Variants in AGBL1 observed in about 807,000 individuals in gnomAD.
AGBL1 encodes AGBL carboxypeptidase 1.
AGBL1 carries 130 observed loss-of-function variants against 118.9 expected under a neutral mutation model. That is an observed-to-expected ratio of 1.09 (90% CI 0.95 to 1.26). The LOEUF (loss-of-function observed/expected upper bound fraction) is 1.26. Ranked by LOEUF, AGBL1 falls within the 50% of genes most tolerant of loss-of-function variation. AGBL1 has a pLI of 0.00. For synonymous variants in AGBL1, 555 were observed against 478.9 expected, an observed-to-expected ratio of 1.16 and a Z score of -2.08; for missense variants, 1,584 against 1,298.1, an observed-to-expected ratio of 1.22 and a Z score of -3.38.
chr15:86,676,830 C>A (rs1428514088), intron 22 of AGBL1, among the ~76,000 whole-genome samples: 1 of 152,032 alleles, frequency 6.6e-6, no homozygotes, highest in South Asian at 2.1e-4. Flanking sequence ...TGGCTGGGTG[C>A]GGTGGCTCAT....
chr15:86,237,199 C>T (rs1217345357), intron 6 of AGBL1, among the ~76,000 whole-genome samples: 2 of 152,176 alleles, frequency 1.3e-5, no homozygotes, highest in Admixed American at 6.5e-5. Flanking sequence ...TTAATAACTC[C>T]TATAACAATA....
At chr15:86,373,704 C>A (rs1270891243) in intron 17 of AGBL1, among the ~76,000 whole-genome samples, 1 of 152,120 alleles carries the variant, frequency 6.6e-6, no homozygotes, top group Non-Finnish European at 1.5e-5. Flanking sequence ...AGAGGAAAAG[C>A]TGTAGGCAAA....
At chr15:87,002,339 C>T (rs1433452257) in intron 24 of AGBL1, among the ~76,000 whole-genome samples, 1 of 151,832 alleles carries the variant, frequency 6.6e-6, no homozygotes, top group African/African-American at 2.4e-5. Flanking sequence ...TGTTCTATAT[C>T]TCTGTTTTGG....
chr15:86,779,856 C>T (rs1002644832), intron 22 of AGBL1, among the ~76,000 whole-genome samples: 9 of 151,858 alleles, frequency 5.9e-5, no homozygotes, highest in East Asian at 3.9e-4. Flanking sequence ...TTTTGTTCAT[C>T]GTTGTATTGA....
chr15:86,087,353 T>C (rs897688514), intron 1 of AGBL1, among the ~76,000 whole-genome samples: 8 of 151,048 alleles, frequency 5.3e-5, no homozygotes, highest in Non-Finnish European at 7.4e-5. Flanking sequence ...TTTTTTGACA[T>C]TGTCTTGCTC....
At chr15:86,221,963 AT>A (rs1484009731) in intron 5 of AGBL1, among the ~76,000 whole-genome samples, 1 of 152,136 alleles carries the variant, frequency 6.6e-6, no homozygotes, top group East Asian at 1.9e-4. Context: ...TTGGGTCAAA[AT>A]TTCCAGTTTG....
intron 17 of AGBL1, among the ~76,000 whole-genome samples, chr15:86,331,088 G>T (rs1196539703): frequency 6.6e-6 from 1 of 151,904 alleles, no homozygotes; most frequent in Non-Finnish European, 1.5e-5. Flanking sequence ...GCCAGGCATG[G>T]TGGTGTGCAC....
chr15:86,634,756 C>G (rs1485009581), intron 21 of AGBL1, among the ~76,000 whole-genome samples: 2 of 151,992 alleles, frequency 1.3e-5, no homozygotes, highest in Non-Finnish European at 2.9e-5. Flanking sequence ...TGCCAGGAAA[C>G]CACTACTTTA....
At chr15:86,976,648 G>C (rs1050430279) in intron 23 of AGBL1, among the ~76,000 whole-genome samples, 2 of 151,882 alleles carry the variant, frequency 1.3e-5, no homozygotes, top group Non-Finnish European at 2.9e-5. Flanking sequence ...TCTTACACTA[G>C]TGAGATGTAA....
intron 19 of AGBL1, among the ~76,000 whole-genome samples, chr15:86,543,452 G>A (rs1418939645): frequency 6.6e-6 from 1 of 152,086 alleles, no homozygotes; most frequent in Admixed American, 6.6e-5. Flanking sequence ...TTCTTTTACT[G>A]TCGTGTGTTT....
At chr15:86,948,139 C>T (rs2080844844) in intron 23 of AGBL1, among the ~76,000 whole-genome samples, 1 of 152,102 alleles carries the variant, frequency 6.6e-6, no homozygotes, top group South Asian at 2.1e-4. Flanking sequence ...TGTGCAGTGA[C>T]ACTGAGGCTC....
intron 22 of AGBL1, among the ~76,000 whole-genome samples, chr15:86,851,534 C>G (rs1207765975): frequency 6.6e-6 from 1 of 152,130 alleles, no homozygotes; most frequent in Non-Finnish European, 1.5e-5. Context: ...TTCTGTATCC[C>G]CAGAATTTCC....
intron 22 of AGBL1, among the ~76,000 whole-genome samples, chr15:86,820,358 C>T (rs988036695): frequency 3.3e-5 from 5 of 152,146 alleles, no homozygotes; most frequent in Non-Finnish European, 5.9e-5. Flanking sequence ...AACAGGCAAC[C>T]TACAGAATGG....
intron 17 of AGBL1, among the ~76,000 whole-genome samples, chr15:86,356,499 G>GT (rs2080723499): frequency 6.6e-6 from 1 of 152,094 alleles, no homozygotes; most frequent in Non-Finnish European, 1.5e-5. Flanking sequence ...GGGTGGCCTT[G>GT]TTTTTTTCCA....
At chr15:86,938,349 G>A (rs2080702643) in intron 23 of AGBL1, among the ~76,000 whole-genome samples, 1 of 152,166 alleles carries the variant, frequency 6.6e-6, no homozygotes, top group Non-Finnish European at 1.5e-5. Context: ...TAACCTCGCT[G>A]TGACCAGGAG....
At chr15:86,957,431 A>G (rs942384298) in intron 23 of AGBL1, among the ~76,000 whole-genome samples, 5 of 152,104 alleles carry the variant, frequency 3.3e-5, no homozygotes, top group Non-Finnish European at 7.4e-5. Flanking sequence ...GTATGTCAAC[A>G]AAGTAAAATC....
chr15:86,715,077 G>A (rs561034875), intron 22 of AGBL1, among the ~76,000 whole-genome samples: 7 of 152,274 alleles, frequency 4.6e-5, no homozygotes, highest in South Asian at 2.1e-4. Flanking sequence ...CCAGACGTGG[G>A]AATGTAATCT....
intron 22 of AGBL1, among the ~76,000 whole-genome samples, chr15:86,676,830 C>T (rs1428514088): frequency 2.0e-5 from 3 of 152,032 alleles, no homozygotes; most frequent in Non-Finnish European, 2.9e-5. Flanking sequence ...TGGCTGGGTG[C>T]GGTGGCTCAT....
At chr15:86,127,409 A>G (rs959202483) in intron 1 of AGBL1, among the ~76,000 whole-genome samples, 1 of 152,204 alleles carries the variant, frequency 6.6e-6, no homozygotes, top group Non-Finnish European at 1.5e-5. Flanking sequence ...AACTTGGAAA[A>G]TTGCCTTCTG....
Sources: gnomAD v4.1 joint callset for allele counts (sites outside exome capture counted in the v4.1 genomes callset) on GRCh38, gnomAD v4.1.1 for gene constraint, MANE v1.5 for transcripts, NCBI Gene and HGNC (gene_info 2026-07-23, HGNC 2026-07-21) for gene names.